The following HIVEP3 variants were observed in gnomAD, a reference collection of about 807,000 sequenced individuals.
HIVEP3 encodes the protein HIVEP zinc finger 3, also known as transcription factor HIVEP3.
In HIVEP3, 49 loss-of-function variants were observed where a neutral mutation model predicts 152.8. The observed-to-expected ratio is 0.32, with a 90% CI of 0.26 to 0.41. The LOEUF (loss-of-function observed/expected upper bound fraction) is 0.41. Among genes scored for constraint, HIVEP3 ranks in the 10% least tolerant of loss-of-function variants. The pLI, the probability that HIVEP3 is intolerant of heterozygous loss-of-function variation, is 1.00. For missense variants in HIVEP3, 2,790 were observed against 3,103.3 expected (o/e 0.90, Z 2.40); for synonymous variants, 1,269 against 1,289.0 (o/e 0.98, Z 0.33).
upstream of HIVEP3, among the ~76,000 whole-genome samples, chr1:41,921,802 G>A (rs1426666866): frequency 2.0e-5 from 3 of 152,150 alleles, no homozygotes; most frequent in Non-Finnish European, 4.4e-5. Flanking sequence ...TAGGTCCACA[G>A]CTTCTTTGGA....
In HIVEP3 at chr1:41,613,187, A is replaced by G. The variant is rs60743713; in HGVS notation, c.-522+15562T>C. ...CTTCTGACAAGCTGCGTCCTCTCCA[A>G]ATGGGTTTCCCAATAGGCTTTGGCC... On this transcript the variant is annotated intron_variant, in intron 3 of 8. Transcript: ENST00000372583. Among the ~76,000 whole-genome samples the G allele has an allele frequency of 1.2e-4, 19 of 152,316 alleles. No individual in the cohort carries two copies. In the East Asian group the frequency reaches 3.1e-3, roughly 25 times the overall value.
intron 1 of HIVEP3, among the ~76,000 whole-genome samples, chr1:41,807,743 G>A (rs1293759469): frequency 6.6e-6 from 1 of 152,178 alleles, no homozygotes. Context: ...TCAAGAGAAG[G>A]GCCAATTAAC....
chr1:41,525,917 C>G (rs1488504404), intron 5 of HIVEP3, among the ~76,000 whole-genome samples: 1 of 152,106 alleles, frequency 6.6e-6, no homozygotes. Context: ...ACTCCTGAAG[C>G]CTGAGAGGCC....
At position 41,820,793 on chromosome 1, in the gene HIVEP3, T is replaced by C. The variant is rs933493640; in HGVS notation, c.-801+97620A>G. The stretch of plus-strand genomic sequence containing the variant: ...CTCCACGAAGGAGGATATTTTTATG[T>C]ATTTTGCTCACGGCTAAATCCCCAG... On this transcript the variant is annotated intron_variant, in intron 1 of 8. Coordinates refer to ENST00000372583, the MANE Select transcript of HIVEP3 (RefSeq NM_024503.5). Among the ~76,000 whole-genome samples, 4 of 152,262 alleles carry C rather than the reference T, an allele frequency of 2.6e-5. No individual in the cohort carries two copies. The East Asian group carries it at 7.7e-4, about 29-fold the overall frequency.
At position 41,824,958 on chromosome 1, in the gene HIVEP3, C is replaced by G. The variant is rs562771983; in HGVS notation, c.-801+93455G>C. Among the ~76,000 whole-genome samples the G allele has an allele frequency of 3.3e-5, 5 of 151,834 alleles. No homozygotes were observed. The South Asian group carries it at 1.0e-3, about 32-fold the overall frequency. On this transcript the variant is annotated intron_variant, in intron 1 of 8. Transcript: ENST00000372583. ...GCACTTCTCAGCTCACTGCAAACTC[C>G]ACCTCCCAGGTTCAAGTGATTCTCC...
At chr1:41,701,080 G>A in intron 1 of HIVEP3, 85 bp from the exon 2 acceptor site, 1 of 526,168 alleles carries the variant, frequency 1.9e-6, no homozygotes, top group South Asian at 8.2e-5. Context: ...CCCAAAAATG[G>A]TGAGCACAGC....
At chr1:41,796,474 C>A (rs925920324) in intron 1 of HIVEP3, among the ~76,000 whole-genome samples, 1 of 152,202 alleles carries the variant, frequency 6.6e-6, no homozygotes, top group African/African-American at 2.4e-5. Flanking sequence ...ATTCTTTTTC[C>A]GTAAAATGAG....
At chr1:41,527,883 A>G (rs1300875361) in intron 5 of HIVEP3, among the ~76,000 whole-genome samples, 1 of 101,136 alleles carries the variant, frequency 9.9e-6, no homozygotes, top group African/African-American at 4.0e-5. Flanking sequence ...ACACATTCAC[A>G]CTCACACCCC....
intron 1 of HIVEP3, among the ~76,000 whole-genome samples, chr1:41,821,967 AT>A (rs1249139275): frequency 2.6e-4 from 40 of 152,314 alleles, no homozygotes; most frequent in African/African-American, 8.7e-4. Flanking sequence ...GTCCTCCTTC[AT>A]TTATCCATTG....
At chr1:41,728,239 C>T (rs905712485) in intron 1 of HIVEP3, among the ~76,000 whole-genome samples, 1 of 152,166 alleles carries the variant, frequency 6.6e-6, no homozygotes, top group African/African-American at 2.4e-5. Flanking sequence ...CTTTCTTCAC[C>T]CATAAAGCTA....
rs1216118585 is a variant in HIVEP3 at position 41,769,292 on chromosome 1, TAGTGACTCA to T, written c.-800-68306_-800-68298del. Among the ~76,000 whole-genome samples the T allele has an allele frequency of 3.3e-5, 5 of 152,206 alleles. No homozygotes were observed. In the East Asian group the frequency reaches 7.7e-4, roughly 23 times the overall value. ...CCATCTGGCCAACCCTACGGGGGGT[TAGTGACTCA>T]GGGTTACTGCTACATTAAGCAAAGG... On this transcript the variant is annotated intron_variant, in intron 1 of 8. Transcript: ENST00000372583.
At chr1:41,700,176 G>A (rs535753984) in intron 2 of HIVEP3, among the ~76,000 whole-genome samples, 1 of 152,034 alleles carries the variant, frequency 6.6e-6, no homozygotes, top group Non-Finnish European at 1.5e-5. Flanking sequence ...TTTGCACATC[G>A]ATCTCCTCCA....
At chr1:41,833,089 A>G (rs1643010415) in intron 1 of HIVEP3, among the ~76,000 whole-genome samples, 1 of 152,244 alleles carries the variant, frequency 6.6e-6, no homozygotes, top group South Asian at 2.1e-4. Flanking sequence ...AATTCAGCTA[A>G]AATAAACCCT....
At chr1:41,515,790 C>A (rs149402039) in intron 7 of HIVEP3, among the ~76,000 whole-genome samples, 1 of 152,252 alleles carries the variant, frequency 6.6e-6, no homozygotes, top group South Asian at 2.1e-4. Context: ...GCAATAAAAG[C>A]ACTCTAGGAA....
At chr1:41,864,865 A>C (rs2124404262) in intron 1 of HIVEP3, among the ~76,000 whole-genome samples, 1 of 152,234 alleles carries the variant, frequency 6.6e-6, no homozygotes, top group Non-Finnish European at 1.5e-5. Context: ...GCTGCCTCTG[A>C]CTCTCACCCT....
chr1:41,706,098 C>T (rs1316558862), intron 1 of HIVEP3, among the ~76,000 whole-genome samples: 3 of 152,148 alleles, frequency 2.0e-5, no homozygotes, highest in Non-Finnish European at 1.5e-5. Flanking sequence ...GGTACATGTG[C>T]AAGTTTGTTA....
intron 1 of HIVEP3, among the ~76,000 whole-genome samples, chr1:41,772,582 G>A (rs916507260): frequency 1.3e-5 from 2 of 152,184 alleles, no homozygotes; most frequent in African/African-American, 4.8e-5. Flanking sequence ...CAGCAGACCC[G>A]ATGTGGAGAT....
chr1:42,009,479 A>G (rs1645481078), intron 1 of HIVEP3, among the ~76,000 whole-genome samples: 2 of 152,306 alleles, frequency 1.3e-5, no homozygotes, highest in South Asian at 2.1e-4. Flanking sequence ...CTGGGTCTAC[A>G]TCAGATATTA....
intron 2 of HIVEP3, among the ~76,000 whole-genome samples, chr1:41,632,015 G>C (rs1190013879): frequency 6.6e-6 from 1 of 152,122 alleles, no homozygotes; most frequent in Non-Finnish European, 1.5e-5. Context: ...AGGAGGTTCA[G>C]CTAGCTCCCA....
Sources: gnomAD v4.1 joint callset for allele counts (sites outside exome capture counted in the v4.1 genomes callset) on GRCh38, gnomAD v4.1.1 for gene constraint, MANE v1.5 for transcripts, NCBI Gene and HGNC (gene_info 2026-07-23, HGNC 2026-07-21) for gene names.